NELL1: variants seen among roughly 807,000 people sequenced by gnomAD.
NELL1 encodes the protein protein kinase C-binding protein NELL1.
NELL1 carries 76 observed loss-of-function variants against 107.4 expected under a neutral mutation model. The ratio of observed to expected loss-of-function variants is 0.71; its 90% confidence interval spans 0.59 to 0.86. NELL1 has a LOEUF of 0.86. NELL1 is among the 40% of genes least tolerant of loss of function. The pLI is 0.00. For synonymous variants in NELL1, 353 were observed against 341.2 expected, an observed-to-expected ratio of 1.03 and a Z score of -0.38; for missense variants, 1,024 against 1,005.5, an observed-to-expected ratio of 1.02 and a Z score of -0.25.
chr11:21,224,296 G>A (rs1021681414), intron 13 of NELL1, among the ~76,000 whole-genome samples: 1 of 152,006 alleles, frequency 6.6e-6, no homozygotes, highest in Non-Finnish European at 1.5e-5. Flanking sequence ...AAGCTGGAGT[G>A]CAGTGGCATG....
At chr11:21,198,716 G>A (rs1057413861) in intron 13 of NELL1, among the ~76,000 whole-genome samples, 6 of 152,202 alleles carry the variant, frequency 3.9e-5, no homozygotes, top group African/African-American at 1.4e-4. Flanking sequence ...GTGACTCACT[G>A]TGTGAGATCT....
intron 12 of NELL1, among the ~76,000 whole-genome samples, chr11:21,050,892 T>C (rs1853475353): frequency 6.6e-6 from 1 of 152,138 alleles, no homozygotes; most frequent in African/African-American, 2.4e-5. Flanking sequence ...TTACAATTCC[T>C]CACCACCTTA....
At chr11:21,192,090 A>G (rs916345846) in intron 13 of NELL1, among the ~76,000 whole-genome samples, 1 of 151,874 alleles carries the variant, frequency 6.6e-6, no homozygotes, top group African/African-American at 2.4e-5. Context: ...TATAGCACTT[A>G]TATTTCCTAC....
chr11:21,334,030 C>T (rs1008409415), intron 14 of NELL1, among the ~76,000 whole-genome samples: 1 of 152,010 alleles, frequency 6.6e-6, no homozygotes, highest in Non-Finnish European at 1.5e-5. Context: ...CATTGGAGTT[C>T]ATTCATTTAT....
chr11:20,865,462 C>T (rs1380449510), intron 4 of NELL1, among the ~76,000 whole-genome samples: 4 of 152,056 alleles, frequency 2.6e-5, no homozygotes, highest in African/African-American at 9.7e-5. Flanking sequence ...CTTCTATTGG[C>T]TTCTCGGGAA....
rs539173729 is a variant in NELL1 at position 21,312,885 on chromosome 11, G to A, written c.1550-57968G>A. Reference sequence around the variant, plus strand: ...CATCTCCTCTTACTCACCTCTCAGAGGAGAGGGAGATCAGGGGATGTCTTT... The same window carrying A: ...CATCTCCTCTTACTCACCTCTCAGAAGAGAGGGAGATCAGGGGATGTCTTT... On this transcript the variant is annotated intron_variant, in intron 14 of 19. Transcript: ENST00000357134. Among the ~76,000 whole-genome samples the A allele has an allele frequency of 6.6e-5, 10 of 152,146 alleles. No individual in the cohort carries two copies. The South Asian group carries it at 1.0e-3, about 16-fold the overall frequency.
At chr11:20,766,740 ATTTTTT>A (rs202218877) in intron 2 of NELL1, among the ~76,000 whole-genome samples, 1 of 139,712 alleles carries the variant, frequency 7.2e-6, no homozygotes, top group African/African-American at 2.6e-5. Context: ...CTATTGACAT[ATTTTTT>A]TTTTTTTTTT....
At chr11:20,906,897 G>T (rs1850011932) in intron 5 of NELL1, among the ~76,000 whole-genome samples, 1 of 152,016 alleles carries the variant, frequency 6.6e-6, no homozygotes, top group Non-Finnish European at 1.5e-5. Flanking sequence ...ATACTCAATA[G>T]TGAAAGACTC....
At position 21,300,185 on chromosome 11, in the gene NELL1, A is replaced by T. The variant is rs564758081; in HGVS notation, c.1550-70668A>T. ...GCTGCTTAGAGAAGACTTCTCTAAGATAGCATCTGAGGTGTTCTCTGAATG... is the reference window on the plus strand; with the variant it reads ...GCTGCTTAGAGAAGACTTCTCTAAGTTAGCATCTGAGGTGTTCTCTGAATG... On this transcript the variant is annotated intron_variant, in intron 14 of 19. Coordinates refer to ENST00000357134, the MANE Select transcript of NELL1 (RefSeq NM_006157.5). Among the ~76,000 whole-genome samples, 11 of 152,156 alleles carry T rather than the reference A, an allele frequency of 7.2e-5. No homozygotes were observed. In the South Asian group the frequency reaches 1.2e-3, roughly 17 times the overall value.
At chr11:20,721,915 G>A (rs1312678343) in intron 2 of NELL1, among the ~76,000 whole-genome samples, 1 of 152,074 alleles carries the variant, frequency 6.6e-6, no homozygotes, top group Non-Finnish European at 1.5e-5. Context: ...GAGGGGGAGG[G>A]CGGATAGTTG....
At chr11:20,785,682 C>T (rs57532075) in intron 3 of NELL1, among the ~76,000 whole-genome samples, 1 of 152,190 alleles carries the variant, frequency 6.6e-6, no homozygotes, top group Non-Finnish European at 1.5e-5. Context: ...AGTTCCAGTT[C>T]TAGCTTTGTG....
intron 14 of NELL1, among the ~76,000 whole-genome samples, chr11:21,361,732 C>T (rs74449531): frequency 0.014 from 2,091 of 152,062 alleles, 49 homozygotes; most frequent in African/African-American, 0.048. Flanking sequence ...GAAAGCCTTG[C>T]CTTTTAGCTC....
intron 2 of NELL1, among the ~76,000 whole-genome samples, chr11:20,698,332 C>T (rs1339785377): frequency 6.6e-6 from 1 of 152,186 alleles, no homozygotes; most frequent in African/African-American, 2.4e-5. Context: ...TTCTCCAAAT[C>T]TGTCCACTTC....
intron 7 of NELL1, among the ~76,000 whole-genome samples, chr11:20,921,790 TTG>T (rs200243340): frequency 1.1e-4 from 11 of 100,166 alleles, no homozygotes; most frequent in Non-Finnish European, 2.0e-4. Flanking sequence ...CTCTTTTTTA[TTG>T]TGTGTGTTTT....
intron 15 of NELL1, among the ~76,000 whole-genome samples, chr11:21,430,670 G>A (rs762764594): frequency 6.6e-6 from 1 of 152,008 alleles, no homozygotes; most frequent in Non-Finnish European, 1.5e-5. Context: ...GAAATGATTC[G>A]CAGGGTGAGA....
intron 12 of NELL1, among the ~76,000 whole-genome samples, chr11:21,055,936 C>G (rs982718835): frequency 3.3e-5 from 5 of 152,170 alleles, no homozygotes; most frequent in African/African-American, 1.2e-4. Flanking sequence ...TTGACTTCCA[C>G]TCTGTATACT....
At chr11:21,546,354 G>A (rs1220200188) in intron 16 of NELL1, among the ~76,000 whole-genome samples, 2 of 151,920 alleles carry the variant, frequency 1.3e-5, no homozygotes, top group African/African-American at 4.8e-5. Flanking sequence ...AGAAACTCCT[G>A]GCTTGAATGT....
At chr11:20,923,897 A>G (rs1590420568) in intron 7 of NELL1, among the ~76,000 whole-genome samples, 1 of 152,306 alleles carries the variant, frequency 6.6e-6, no homozygotes, top group East Asian at 1.9e-4. Flanking sequence ...TGGTATTTCA[A>G]AGAAAAGAAG....
At chr11:20,691,594 T>A (rs1420041228) in intron 2 of NELL1, among the ~76,000 whole-genome samples, 1 of 152,198 alleles carries the variant, frequency 6.6e-6, no homozygotes, top group African/African-American at 2.4e-5. Flanking sequence ...ATTTATTGAT[T>A]TGCATATATT....
Sources: allele counts gnomAD v4.1 joint callset (sites outside exome capture counted in the v4.1 genomes callset), GRCh38; gene constraint gnomAD v4.1.1; transcripts MANE v1.5; gene names NCBI Gene and HGNC (gene_info 2026-07-23, HGNC 2026-07-21).